Variants in SHANK2 observed in about 807,000 individuals in gnomAD.
SHANK2 encodes SH3 and multiple ankyrin repeat domains 2.
A neutral mutation model predicts 133.7 loss-of-function variants in SHANK2; 43 were observed. The observed-to-expected ratio is 0.32, with a 90% CI of 0.25 to 0.41. The LOEUF is 0.41. SHANK2 is among the 10% of genes least tolerant of loss of function. SHANK2 has a pLI of 1.00. For missense variants in SHANK2, 1,994 were observed against 2,235.8 expected, an observed-to-expected ratio of 0.89 and a Z score of 2.18; for synonymous variants, 1,017 against 952.8, an observed-to-expected ratio of 1.07 and a Z score of -1.24.
intron 11 of SHANK2, among the ~76,000 whole-genome samples, chr11:70,868,464 C>T (rs1233746807): frequency 2.0e-5 from 3 of 152,352 alleles, no homozygotes; most frequent in Admixed American, 2.0e-4. Flanking sequence ...GGGCACGAGG[C>T]TATTGACTAT....
At chr11:71,246,079 A>AAGCCTGCATTCTCCCCAGGG (rs1555124931) in intron 1 of SHANK2, among the ~76,000 whole-genome samples, 1 of 152,128 alleles carries the variant, frequency 6.6e-6, no homozygotes, top group Non-Finnish European at 1.5e-5. Context: ...ACTCCCCAGG[A>AAGCCTGCATTCTCCCCAGGG]AGCCTGCATT....
Position 70,599,905 on chromosome 11 carries a change from G to GAAAGAGAA in SHANK2, c.2061+59922_2061+59923insTTCTCTTT, listed in dbSNP as rs1466206835. Among the ~76,000 whole-genome samples, 443 of 73,694 alleles carry GAAAGAGAA rather than the reference G, an allele frequency of 6.0e-3. 1 individual carries two copies. The highest frequency in any genetic ancestry group is 0.016 in the Middle Eastern group (3 of 192). 48.3% of individuals were successfully genotyped at this position (73,694 alleles called of 152,430 possible). ...AAAGAAAGAAAAAGAAAGAAAGAAAGAGAAAGAAAGAAAGAAAGAAAGAAA... is the reference window on the plus strand; with the variant it reads ...AAAGAAAGAAAAAGAAAGAAAGAAAGAAAGAGAAAGAAAGAAAGAAAGAAAGAAAGAAA... On this transcript the variant is annotated intron_variant, in intron 17 of 25. Coordinates refer to ENST00000601538, the MANE Select transcript of SHANK2 (RefSeq NM_012309.5).
intron 17 of SHANK2, among the ~76,000 whole-genome samples, chr11:70,540,118 C>T (rs2059599849): frequency 6.6e-6 from 1 of 152,190 alleles, no homozygotes; most frequent in African/African-American, 2.4e-5. Context: ...CGCAATGTCC[C>T]AATTTCCAAG....
intron 11 of SHANK2, among the ~76,000 whole-genome samples, chr11:70,825,792 A>C (rs1948628536): frequency 6.6e-6 from 1 of 152,082 alleles, no homozygotes; most frequent in African/African-American, 2.4e-5. Flanking sequence ...TTTTGTGAAA[A>C]GGGTTAAAAA....
At chr11:71,180,194 T>C (rs1418702252) in intron 2 of SHANK2, among the ~76,000 whole-genome samples, 2 of 152,192 alleles carry the variant, frequency 1.3e-5, no homozygotes, top group Non-Finnish European at 2.9e-5. Flanking sequence ...GCATCCTTAT[T>C]CCAGGTGTAC....
chr11:70,502,970 G>A, intron 17 of SHANK2, 39 bp from the exon 18 acceptor site: 1 of 1,612,918 alleles, frequency 6.2e-7, no homozygotes, highest in Non-Finnish European at 8.5e-7. Flanking sequence ...GTGAGAGCCA[G>A]CGGAGAGGAA....
At chr11:70,608,005 CCA>C (rs2060602505) in intron 17 of SHANK2, among the ~76,000 whole-genome samples, 2 of 152,334 alleles carry the variant, frequency 1.3e-5, no homozygotes, top group South Asian at 4.1e-4. Flanking sequence ...AGTGGCTTGC[CCA>C]GAGTCACACA....
At chr11:71,237,472 AC>A (rs1260910611) in intron 1 of SHANK2, among the ~76,000 whole-genome samples, 3 of 152,084 alleles carry the variant, frequency 2.0e-5, no homozygotes, top group African/African-American at 7.2e-5. Context: ...CAGGTGTTTT[AC>A]CCTTTGTCTG....
intron 15 of SHANK2, among the ~76,000 whole-genome samples, chr11:70,680,454 A>T (rs1179865847): frequency 5.3e-5 from 8 of 151,970 alleles, no homozygotes; most frequent in African/African-American, 1.9e-4. Context: ...CTGACCCATG[A>T]TCATTCCTCA....
At chr11:70,693,513 C>T (rs112439766) in intron 15 of SHANK2, among the ~76,000 whole-genome samples, 14 of 152,260 alleles carry the variant, frequency 9.2e-5, no homozygotes, top group African/African-American at 2.4e-4. Context: ...TACATAAAGC[C>T]GGCATGACCC....
At chr11:70,750,970 G>T (rs1262151947) in intron 14 of SHANK2, among the ~76,000 whole-genome samples, 2 of 152,088 alleles carry the variant, frequency 1.3e-5, no homozygotes, top group African/African-American at 4.8e-5. Flanking sequence ...AAATGTCCAT[G>T]ATACAGGTTT....
intron 17 of SHANK2, among the ~76,000 whole-genome samples, chr11:70,523,873 G>C (rs937068751): frequency 1.3e-5 from 2 of 152,154 alleles, no homozygotes; most frequent in Admixed American, 1.3e-4. Flanking sequence ...CCTTCATCCT[G>C]CTGTGTCCTT....
intron 14 of SHANK2, among the ~76,000 whole-genome samples, chr11:70,770,660 G>A (rs115896558): frequency 4.9e-4 from 74 of 152,280 alleles, no homozygotes; most frequent in African/African-American, 1.1e-3. Flanking sequence ...AGTTGTAACC[G>A]TTTACAAATA....
chr11:70,590,795 G>A (rs542627913), intron 17 of SHANK2, among the ~76,000 whole-genome samples: 72 of 151,690 alleles, frequency 4.7e-4, no homozygotes, highest in Non-Finnish European at 8.4e-4. Flanking sequence ...TGTGCATCTC[G>A]CTTTAATGTG....
At chr11:70,511,559 G>A (rs1162922250) in intron 17 of SHANK2, among the ~76,000 whole-genome samples, 3 of 152,282 alleles carry the variant, frequency 2.0e-5, no homozygotes, top group African/African-American at 7.2e-5. Context: ...GGAAGGTATG[G>A]CTTGATCACT....
chr11:70,886,014 A>G (rs546754369), intron 11 of SHANK2, among the ~76,000 whole-genome samples: 18 of 152,314 alleles, frequency 1.2e-4, no homozygotes, highest in African/African-American at 4.3e-4. Context: ...GACACCAAGC[A>G]AGACTCCAGA....
chr11:70,585,551 AC>A (rs1684963270), intron 17 of SHANK2, among the ~76,000 whole-genome samples: 2 of 152,138 alleles, frequency 1.3e-5, no homozygotes, highest in Non-Finnish European at 2.9e-5. Flanking sequence ...TTTTATCCAG[AC>A]ATCCATTCAT....
At chr11:70,819,180 C>T (rs1033766588) in intron 12 of SHANK2, among the ~76,000 whole-genome samples, 3 of 152,258 alleles carry the variant, frequency 2.0e-5, no homozygotes, top group South Asian at 2.1e-4. Flanking sequence ...CGGGGAAGCA[C>T]GGGTCCAAGG....
At chr11:70,684,159 T>G (rs1945093137) in intron 15 of SHANK2, among the ~76,000 whole-genome samples, 1 of 152,144 alleles carries the variant, frequency 6.6e-6, no homozygotes. Context: ...CTACTCACTC[T>G]TCATATCCAC....
Sources: allele counts gnomAD v4.1 joint callset (sites outside exome capture counted in the v4.1 genomes callset), GRCh38; gene constraint gnomAD v4.1.1; transcripts MANE v1.5; gene names NCBI Gene and HGNC (gene_info 2026-07-23, HGNC 2026-07-21).